The following CLRN2 variants were observed in gnomAD, a reference collection of about 807,000 sequenced individuals.
CLRN2 encodes clarin-2.
Under a neutral mutation model 20.1 loss-of-function variants are expected in CLRN2, and 17 were observed. The observed-to-expected ratio is 0.85, with a 90% CI of 0.58 to 1.27. The LOEUF (loss-of-function observed/expected upper bound fraction) is 1.27. Ranked by LOEUF, CLRN2 falls within the 50% of genes most tolerant of loss-of-function variation. The pLI is 0.00. For missense variants in CLRN2, 288 were observed against 299.5 expected, an observed-to-expected ratio of 0.96 and a Z score of 0.28; for synonymous variants, 140 against 126.9, an observed-to-expected ratio of 1.10 and a Z score of -0.70.
At position 17,527,044 on chromosome 4, in the gene CLRN2, G is replaced by A. The variant is rs374428888; in HGVS notation, c.661G>A (p.Glu221Lys). 17 of 1,613,858 alleles carry A rather than the reference G, an allele frequency of 1.1e-5. No homozygotes were observed. The highest frequency in any genetic ancestry group is 1.4e-5 in the Non-Finnish European group (17 of 1,179,900). The change falls in exon 3 of 3, where the codon GAA (glutamate) becomes AAA (lysine). Residue 221 changes from glutamate (E) to lysine (K), a missense_variant. Transcript: ENST00000511148. ...CCTCCCTGAGATTAAGACCAAAATC[G>A]AAGAGGCCACGGTCACAGCTGAGGA... ...IPLPEIKTKIEEATVTAEDIL... is the reference protein window; with the variant it reads ...IPLPEIKTKIKEATVTAEDIL...
intron 2 of CLRN2, among the ~76,000 whole-genome samples, chr4:17,524,235 T>TGTGTGTGTGTGTGTGC (rs762042329): frequency 2.1e-4 from 29 of 140,056 alleles, no homozygotes; most frequent in Admixed American, 3.6e-4. Context: ...TGTGTGTGTG[T>TGTGTGTGTGTGTGTGC]GCGCGCGCAT....
rs766484783 is a variant in CLRN2 at position 17,515,235 on chromosome 4, G to A, written c.-32G>A. ...ATGTCAATGACCCTCGCTGCTGCTC[G>A]GAGACCTTGGGGATGACCTGCACCC... On this transcript the variant is annotated 5_prime_UTR_variant, in exon 1 of 3. Coordinates refer to ENST00000511148, the MANE Select transcript of CLRN2 (RefSeq NM_001079827.2). 21 of 1,607,408 alleles carry A rather than the reference G, an allele frequency of 1.3e-5. No individual in the cohort carries two copies. In the Admixed American group the frequency reaches 1.5e-4, roughly 12 times the overall value.
chr4:17,519,812 A>G (rs545675439), intron 1 of CLRN2, among the ~76,000 whole-genome samples: 7 of 152,314 alleles, frequency 4.6e-5, no homozygotes, highest in Middle Eastern at 6.8e-3. Context: ...GAGAAAGTAG[A>G]AAGAACTGGT....
At chr4:17,516,088 C>T (rs1711665077) in intron 1 of CLRN2, among the ~76,000 whole-genome samples, 1 of 152,188 alleles carries the variant, frequency 6.6e-6, no homozygotes, top group Non-Finnish European at 1.5e-5. Context: ...GCTTCATAGT[C>T]TGAGAAAATG....
chr4:17,523,088 A>G, intron 2 of CLRN2, 45 bp downstream of exon 2: 1 of 1,522,166 alleles, frequency 6.6e-7, no homozygotes, highest in African/African-American at 1.4e-5. Flanking sequence ...ACACCATCAT[A>G]GGGCTGGGCT....
At chr4:17,525,525 C>G (rs1711951864) in intron 2 of CLRN2, among the ~76,000 whole-genome samples, 1 of 152,038 alleles carries the variant, frequency 6.6e-6, no homozygotes, top group East Asian at 1.9e-4. Flanking sequence ...TGGCATGCAC[C>G]CATGATCCCA....
At chr4:17,521,431 TCAG>T (rs1364759549) in intron 1 of CLRN2, among the ~76,000 whole-genome samples, 3 of 152,248 alleles carry the variant, frequency 2.0e-5, no homozygotes, top group Non-Finnish European at 4.4e-5. Context: ...GGGTGGGTAT[TCAG>T]CAGGAACCTT....
chr4:17,515,639 T>G, intron 1 of CLRN2, 120 bp downstream of exon 1: 1 of 1,130,840 alleles, frequency 8.8e-7, no homozygotes, highest in South Asian at 1.6e-5. Context: ...AATGTCAAAG[T>G]CCACAGTGAG....
intron 1 of CLRN2, among the ~76,000 whole-genome samples, chr4:17,517,300 C>G (rs1021564740): frequency 6.6e-6 from 1 of 152,150 alleles, no homozygotes; most frequent in Non-Finnish European, 1.5e-5. Flanking sequence ...ACAACCTCAT[C>G]CTGTGCTTAT....
chr4:17,522,658 G>C (rs1424959344), intron 1 of CLRN2, among the ~76,000 whole-genome samples: 1 of 152,192 alleles, frequency 6.6e-6, no homozygotes, highest in Non-Finnish European at 1.5e-5. Context: ...TCCACTCTAA[G>C]GAACAGAGGC....
At chr4:17,523,801 C>G (rs1711894348) in intron 2 of CLRN2, among the ~76,000 whole-genome samples, 1 of 146,530 alleles carries the variant, frequency 6.8e-6, no homozygotes, top group South Asian at 2.3e-4. Flanking sequence ...TTGCCAAGGT[C>G]TTTGGTGTTC....
chr4:17,520,919 G>A (rs1449354655), intron 1 of CLRN2, among the ~76,000 whole-genome samples: 1 of 152,170 alleles, frequency 6.6e-6, no homozygotes, highest in African/African-American at 2.4e-5. Flanking sequence ...TGGAAAGGCT[G>A]AGGCATGAGA....
chr4:17,524,936 C>T (rs932415461), intron 2 of CLRN2, among the ~76,000 whole-genome samples: 40 of 151,888 alleles, frequency 2.6e-4, no homozygotes, highest in Admixed American at 7.2e-4. Flanking sequence ...CAGAGCGAAA[C>T]CTTGTCTCAA....
chr4:17,520,341 T>A (rs77173424), intron 1 of CLRN2, among the ~76,000 whole-genome samples: 1 of 152,244 alleles, frequency 6.6e-6, no homozygotes, highest in African/African-American at 2.4e-5. Context: ...ATGAATTATA[T>A]ACATTATGGA....
Position 17,526,968 on chromosome 4 carries a change from C to T in CLRN2, c.585C>T (p.Ser195=). 1.9e-6 allele frequency: 3 copies of T among 1,614,018 alleles called. No homozygotes were observed. The highest frequency in any genetic ancestry group is 1.7e-5 in the Admixed American group (1 of 60,024). Residue 195 remains serine (S), a synonymous_variant, in exon 3 of 3, where the codon AGC becomes AGT. Coordinates refer to ENST00000511148, the MANE Select transcript of CLRN2 (RefSeq NM_001079827.2). ...YEESFWICVA[S]ASAHAANLVV... ...AGTCGTTTTGGATCTGCGTGGCCAG[C>T]GCTTCGGCCCATGCTGCAAACTTGG... is the stretch of plus-strand genomic sequence containing the variant.
chr4:17,518,590 G>T (rs192009202), intron 1 of CLRN2, among the ~76,000 whole-genome samples: 3 of 152,162 alleles, frequency 2.0e-5, no homozygotes, highest in East Asian at 1.9e-4. Context: ...GTGAAACCAC[G>T]TCTCTACTAA....
At chr4:17,521,552 T>C (rs1480733346) in intron 1 of CLRN2, among the ~76,000 whole-genome samples, 1 of 152,230 alleles carries the variant, frequency 6.6e-6, no homozygotes, top group Non-Finnish European at 1.5e-5. Context: ...GTTGATACCA[T>C]ACAGTTGTGA....
intron 1 of CLRN2, among the ~76,000 whole-genome samples, chr4:17,518,530 G>C (rs1228984192): frequency 1.3e-5 from 2 of 152,222 alleles, no homozygotes; most frequent in Non-Finnish European, 2.9e-5. Context: ...GGAGGCCAAG[G>C]CAGGTGGATC....
chr4:17,523,413 C>G (rs1711883956), intron 2 of CLRN2, among the ~76,000 whole-genome samples: 1 of 151,868 alleles, frequency 6.6e-6, no homozygotes, highest in South Asian at 2.1e-4. Context: ...ACAGGTTTCA[C>G]CATGTTGCCC....
Sources: gnomAD v4.1 joint callset for allele counts (sites outside exome capture counted in the v4.1 genomes callset) on GRCh38, gnomAD v4.1.1 for gene constraint, MANE v1.5 for transcripts, NCBI Gene and HGNC (gene_info 2026-07-23, HGNC 2026-07-21) for gene names.